Variants in SCARA3 observed in about 807,000 individuals in gnomAD.
The protein encoded by SCARA3 is scavenger receptor class A member 3.
A neutral mutation model predicts 47.0 loss-of-function variants in SCARA3; 39 were observed. The ratio of observed to expected loss-of-function variants is 0.83; its 90% CI spans 0.64 to 1.08. The LOEUF is 1.08. SCARA3 is among the 50% of genes least tolerant of loss of function. SCARA3 has a pLI of 0.00. For missense variants in SCARA3, 724 were observed against 792.3 expected, an observed-to-expected ratio of 0.91 and a Z score of 1.04; for synonymous variants, 356 against 334.1, an observed-to-expected ratio of 1.07 and a Z score of -0.71.
the SCARA3 span, among the ~76,000 whole-genome samples, chr8:27,711,722 T>C: frequency 2.6e-5 from 4 of 152,042 alleles, no homozygotes; most frequent in East Asian, 7.7e-4. Flanking sequence ...AAACTTATCA[T>C]AATTTAAATT....
chr8:27,649,483 T>C (rs2294027), intron 1 of SCARA3, among the ~76,000 whole-genome samples: 15,183 of 152,092 alleles, frequency 0.1, 921 homozygotes, highest in East Asian at 0.27. Flanking sequence ...GTGTGGAAAA[T>C]GGGGAGCTCT....
At chr8:27,675,082 C>G (rs1270863950), downstream of SCARA3, among the ~76,000 whole-genome samples, 10 of 152,118 alleles carry the variant, frequency 6.6e-5, no homozygotes, top group Non-Finnish European at 1.5e-5. Context: ...AGACCTGGCT[C>G]ATGTCCTCTG....
chr8:27,646,421 C>T (rs556931417), intron 1 of SCARA3, among the ~76,000 whole-genome samples: 2 of 152,280 alleles, frequency 1.3e-5, no homozygotes, highest in East Asian at 3.9e-4. Context: ...TGGTGTCAGC[C>T]TTGCTTGATT....
rs1378458304 is a variant in SCARA3, at chr8:27,670,847, C to T, written c.1370-53C>T. On this transcript the variant is annotated intron_variant, in intron 5 of 5. Coordinates refer to ENST00000301904, the MANE Select transcript of SCARA3 (RefSeq NM_016240.3). ...GCCCGCTCTGCTCATGGGCGAGCCTCGGGTGGGGAGCCCCTGACAGACTGA... is the reference window on the plus strand; with the variant it reads ...GCCCGCTCTGCTCATGGGCGAGCCTTGGGTGGGGAGCCCCTGACAGACTGA... The T allele has an allele frequency of 1.9e-5, 28 of 1,453,592 alleles. No homozygotes were observed. In the Admixed American group the frequency reaches 2.4e-4, roughly 12 times the overall value. 90.0% of individuals were successfully genotyped at this position (1,453,592 alleles called of 1,614,324 possible). A position where few individuals can be genotyped will look rare whatever the true frequency, so the allele number is the denominator to read the frequency against.
At chr8:27,669,054 C>T (rs1802083453) in intron 5 of SCARA3, among the ~76,000 whole-genome samples, 1 of 152,026 alleles carries the variant, frequency 6.6e-6, no homozygotes, top group African/African-American at 2.4e-5. Flanking sequence ...TGAACTTGTC[C>T]ACCCAGAAGG....
intron 3 of SCARA3, among the ~76,000 whole-genome samples, chr8:27,655,749 C>T (rs1801729871): frequency 6.6e-6 from 1 of 152,058 alleles, no homozygotes; most frequent in African/African-American, 2.4e-5. Flanking sequence ...TAAGTGTCCT[C>T]AACAGTAGGA....
the SCARA3 span, among the ~76,000 whole-genome samples, chr8:27,707,343 T>G: frequency 1.3e-5 from 2 of 152,178 alleles, no homozygotes; most frequent in Non-Finnish European, 2.9e-5. Context: ...CCAATCAACT[T>G]TTGTAGTTTC....
intron 4 of SCARA3, 93 bp downstream of exon 4, chr8:27,656,973 C>T (rs533067938): frequency 9.0e-6 from 7 of 779,568 alleles, no homozygotes; most frequent in Admixed American, 3.7e-5. Flanking sequence ...ACCAAGCAAC[C>T]TTCACCAGCC....
At chr8:27,646,609 C>T (rs1801498298) in intron 1 of SCARA3, among the ~76,000 whole-genome samples, 1 of 152,172 alleles carries the variant, frequency 6.6e-6, no homozygotes, top group Non-Finnish European at 1.5e-5. Context: ...GAAGGAATAC[C>T]TCCCCACGGT....
downstream of SCARA3, among the ~76,000 whole-genome samples, chr8:27,679,568 T>TA (rs1223678234): frequency 1.3e-5 from 2 of 152,182 alleles, no homozygotes; most frequent in Non-Finnish European, 2.9e-5. Context: ...TCAAGTAGGC[T>TA]AAAAAAATCT....
intron 4 of SCARA3, among the ~76,000 whole-genome samples, chr8:27,657,893 G>A (rs1801777849): frequency 6.6e-6 from 1 of 151,994 alleles, no homozygotes; most frequent in South Asian, 2.1e-4. Context: ...GTGGTCTTTG[G>A]TTTTCTGTTC....
At position 27,646,979 on chromosome 8, in the gene SCARA3, C is replaced by G. The variant is rs1317325994; in HGVS notation, c.8-2723C>G. ...GCACCCCTGACCGCCCCCGCCCCCC[C>G]CCCGCACACACACACTATTGCCCCG... On this transcript the variant is annotated intron_variant, in intron 1 of 5. Transcript: ENST00000301904. 7.9e-5 allele frequency among the ~76,000 whole-genome samples: 9 copies of G among 114,042 alleles called. 1 individual carries two copies. The highest frequency in any genetic ancestry group is 4.3e-4 in the South Asian group (1 of 2,322). 74.8% of individuals were successfully genotyped at this position (114,042 alleles called of 152,430 possible).
At chr8:27,636,882 G>C (rs562324104) in intron 1 of SCARA3, among the ~76,000 whole-genome samples, 1 of 152,210 alleles carries the variant, frequency 6.6e-6, no homozygotes, top group Non-Finnish European at 1.5e-5. Flanking sequence ...TGGCTTCCGG[G>C]ATCTGTGGGG....
At chr8:27,683,403 T>C in the SCARA3 span, among the ~76,000 whole-genome samples, 2 of 152,182 alleles carry the variant, frequency 1.3e-5, no homozygotes. Flanking sequence ...TGCCAAATTA[T>C]GCCCAATAAT....
chr8:27,669,448 G>A (rs1802095990), intron 5 of SCARA3, among the ~76,000 whole-genome samples: 1 of 152,224 alleles, frequency 6.6e-6, no homozygotes, highest in Admixed American at 6.5e-5. Flanking sequence ...GGTGGCTCCT[G>A]CACAGGCATC....
the SCARA3 span, among the ~76,000 whole-genome samples, chr8:27,718,087 G>T: frequency 6.6e-6 from 1 of 152,302 alleles, no homozygotes; most frequent in South Asian, 2.1e-4. Context: ...CCATCCTGTG[G>T]CCTCTGTTCT....
In SCARA3 at chr8:27,659,451, C is replaced by A. The variant is rs373786095; in HGVS notation, c.1281C>A (p.Asn427Lys). The A allele has an allele frequency of 3.7e-6, 6 of 1,613,978 alleles. No homozygotes were observed. The highest frequency in any genetic ancestry group is 5.1e-6 in the Non-Finnish European group (6 of 1,179,944). ...FSLLSARLDLNVRNLSMIVEE... is the reference protein window; with the variant it reads ...FSLLSARLDLKVRNLSMIVEE... ...TGCTCAGTGCCCGGCTGGACCTCAA[C>A]GTCCGGAACCTCTCCATGATCGTGG... The change falls in exon 5 of 6, where the codon AAC becomes AAA. Residue 427 changes from asparagine (N) to lysine (K), a missense_variant. Transcript: ENST00000301904.
rs865833469 is a variant in SCARA3 at position 27,649,776 on chromosome 8, C to A, written c.82C>A (p.Pro28Thr). ...EDLAGDDEDM[P>T]TFPCTQKGRP... ...CCTGGCGGGTGACGACGAGGACATG[C>A]CGACCTTCCCATGCACCCAGAAGGG... The change falls in exon 2 of 6, where the codon CCG becomes ACG. Residue 28 changes from proline to threonine, a missense_variant. Coordinates refer to ENST00000301904, the MANE Select transcript of SCARA3 (RefSeq NM_016240.3). The A allele has an allele frequency of 1.9e-6, 3 of 1,613,896 alleles. No homozygotes were observed. The highest frequency in any genetic ancestry group is 2.5e-6 in the Non-Finnish European group (3 of 1,179,976).
intron 1 of SCARA3, among the ~76,000 whole-genome samples, chr8:27,647,139 G>T (rs1585277347): frequency 1.3e-5 from 2 of 152,042 alleles, no homozygotes; most frequent in East Asian, 3.9e-4. Context: ...ACACACACAT[G>T]CACACTCATG....
Sources: gnomAD v4.1 joint callset for allele counts (sites outside exome capture counted in the v4.1 genomes callset) on GRCh38, gnomAD v4.1.1 for gene constraint, MANE v1.5 for transcripts, NCBI Gene and HGNC (gene_info 2026-07-23, HGNC 2026-07-21) for gene names.